PCDH9: variants seen among roughly 807,000 people sequenced by gnomAD.
The protein encoded by PCDH9 is protocadherin-9.
A neutral mutation model predicts 70.6 loss-of-function variants in PCDH9; 24 were observed. The ratio of observed to expected loss-of-function variants is 0.34; its 90% CI spans 0.25 to 0.48. The LOEUF is 0.48. PCDH9 is among the 20% of genes least tolerant of loss of function. The pLI is 0.99. For missense variants in PCDH9, 1,281 were observed against 1,503.6 expected, an observed-to-expected ratio of 0.85 and a Z score of 2.45; for synonymous variants, 562 against 558.5, an observed-to-expected ratio of 1.01 and a Z score of -0.09.
intron 4 of PCDH9, among the ~76,000 whole-genome samples, chr13:66,503,267 G>C (rs1353844862): frequency 3.3e-5 from 5 of 152,022 alleles, no homozygotes; most frequent in African/African-American, 1.2e-4. Flanking sequence ...TCCTTACCCT[G>C]GAAAGAAACA....
At chr13:66,935,809 C>T (rs1279127397) in intron 2 of PCDH9, among the ~76,000 whole-genome samples, 8 of 152,040 alleles carry the variant, frequency 5.3e-5, no homozygotes, top group Admixed American at 5.2e-4. Flanking sequence ...AGCCGGGCAC[C>T]ATGGCTCATG....
At chr13:67,206,159 GT>G (rs111765282) in intron 2 of PCDH9, 29 of 146,282 alleles carry the variant, frequency 2.0e-4, no homozygotes, top group East Asian at 4.0e-4. Context: ...TACTGTTAAA[GT>G]TTTTTTTTTT....
At chr13:66,780,204 C>T (rs918835965) in intron 3 of PCDH9, among the ~76,000 whole-genome samples, 9 of 152,012 alleles carry the variant, frequency 5.9e-5, no homozygotes, top group Admixed American at 2.6e-4. Flanking sequence ...CATAACATCA[C>T]GCTGTATACC....
At chr13:66,409,780 A>C (rs75597136) in intron 4 of PCDH9, among the ~76,000 whole-genome samples, 3,185 of 152,314 alleles carry the variant, frequency 0.021, 134 homozygotes, top group African/African-American at 0.073. Context: ...TGTTTGAGAC[A>C]TCTGTGCTCC....
chr13:66,768,159 T>C (rs1732688518), intron 3 of PCDH9, among the ~76,000 whole-genome samples: 1 of 152,128 alleles, frequency 6.6e-6, no homozygotes, highest in African/African-American at 2.4e-5. Context: ...ATTTATGACT[T>C]CTATTATTTG....
At chr13:66,902,760 C>A (rs2082296999) in intron 3 of PCDH9, among the ~76,000 whole-genome samples, 1 of 151,590 alleles carries the variant, frequency 6.6e-6, no homozygotes, top group South Asian at 2.1e-4. Flanking sequence ...CTGAACTCTA[C>A]ACTTAAAAAC....
intron 3 of PCDH9, among the ~76,000 whole-genome samples, chr13:66,695,905 T>G (rs2139094670): frequency 6.6e-6 from 1 of 152,292 alleles, no homozygotes; most frequent in South Asian, 2.1e-4. Context: ...AATGTTATGG[T>G]TTATATTCTG....
intron 4 of PCDH9, among the ~76,000 whole-genome samples, chr13:66,523,708 G>T (rs1489029246): frequency 3.3e-5 from 5 of 151,162 alleles, no homozygotes; most frequent in South Asian, 2.1e-4. Context: ...ATAATGAGGG[G>T]TGAGAAGAGA....
intron 4 of PCDH9, among the ~76,000 whole-genome samples, chr13:66,348,675 ATTTTTTTTTTT>A (rs59340641): frequency 2.2e-5 from 3 of 136,104 alleles, no homozygotes; most frequent in African/African-American, 8.4e-5. Context: ...GCTATTTGCC[ATTTTTTTTTTT>A]TTTTTTTTTG....
chr13:66,509,196 A>G (rs962734907), intron 4 of PCDH9, among the ~76,000 whole-genome samples: 1 of 152,156 alleles, frequency 6.6e-6, no homozygotes, highest in African/African-American at 2.4e-5. Flanking sequence ...CTTTTATTAA[A>G]TCATTTACTT....
At chr13:67,069,460 T>C (rs2085715330) in intron 2 of PCDH9, among the ~76,000 whole-genome samples, 1 of 152,188 alleles carries the variant, frequency 6.6e-6, no homozygotes. Context: ...CTAATGTTTT[T>C]AATGTAATAA....
At chr13:66,904,150 G>T (rs1251075918) in intron 2 of PCDH9, among the ~76,000 whole-genome samples, 1 of 151,890 alleles carries the variant, frequency 6.6e-6, no homozygotes, top group Non-Finnish European at 1.5e-5. Context: ...GAAAAAAACA[G>T]AAGTGTAGTG....
chr13:66,582,266 T>C (rs1171068811), intron 4 of PCDH9, among the ~76,000 whole-genome samples: 1 of 152,158 alleles, frequency 6.6e-6, no homozygotes, highest in Admixed American at 6.6e-5. Flanking sequence ...ATAATCTGGA[T>C]AAGGTAAAAT....
intron 4 of PCDH9, among the ~76,000 whole-genome samples, chr13:66,449,130 G>A (rs1041355998): frequency 6.6e-6 from 1 of 152,028 alleles, no homozygotes; most frequent in Admixed American, 6.6e-5. Context: ...AACACTGACT[G>A]GAACCAAAGA....
chr13:66,871,965 T>C (rs2081699146), intron 3 of PCDH9, among the ~76,000 whole-genome samples: 1 of 152,128 alleles, frequency 6.6e-6, no homozygotes, highest in Non-Finnish European at 1.5e-5. Flanking sequence ...ACAGTTAGAA[T>C]GAGCCACAAT....
intron 4 of PCDH9, among the ~76,000 whole-genome samples, chr13:66,603,622 A>G (rs1383042742): frequency 6.6e-6 from 1 of 151,976 alleles, no homozygotes; most frequent in Non-Finnish European, 1.5e-5. Context: ...CATGTTTATA[A>G]TCAGGTCCTC....
At chr13:66,322,723 T>A (rs969389668) in intron 4 of PCDH9, among the ~76,000 whole-genome samples, 8 of 152,064 alleles carry the variant, frequency 5.3e-5, no homozygotes, top group Non-Finnish European at 4.4e-5. Flanking sequence ...ATCAATGACA[T>A]GAAATTTTCT....
chr13:67,198,012 A>G, intron 2 of PCDH9, among the ~76,000 whole-genome samples: 1 of 151,754 alleles, frequency 6.6e-6, no homozygotes, highest in South Asian at 2.1e-4. Context: ...TTTTAAAAAT[A>G]AAACATAATT....
At chr13:66,864,457 G>A (rs1199481735) in intron 3 of PCDH9, among the ~76,000 whole-genome samples, 1 of 152,056 alleles carries the variant, frequency 6.6e-6, no homozygotes, top group Non-Finnish European at 1.5e-5. Flanking sequence ...GCTTCTTTTT[G>A]GTGGTTGTGT....
Sources: gnomAD v4.1 joint callset for allele counts (sites outside exome capture counted in the v4.1 genomes callset) on GRCh38, gnomAD v4.1.1 for gene constraint, MANE v1.5 for transcripts, NCBI Gene and HGNC (gene_info 2026-07-23, HGNC 2026-07-21) for gene names.